Variants in CPNE4 observed in about 807,000 individuals in gnomAD.
CPNE4 encodes copine-4.
A neutral mutation model predicts 67.9 loss-of-function variants in CPNE4; 25 were observed. The ratio of observed to expected loss-of-function variants is 0.37; its 90% CI spans 0.27 to 0.51. The LOEUF (loss-of-function observed/expected upper bound fraction) is 0.51. Among genes scored for constraint, CPNE4 ranks in the 20% least tolerant of loss-of-function variants. CPNE4 has a pLI of 0.93. For missense variants in CPNE4, 464 were observed against 690.8 expected, an observed-to-expected ratio of 0.67 and a Z score of 3.68; for synonymous variants, 242 against 244.9, an observed-to-expected ratio of 0.99 and a Z score of 0.11.
chr3:131,973,650 T>C (rs1050239107), intron 1 of CPNE4, among the ~76,000 whole-genome samples: 16 of 150,664 alleles, frequency 1.1e-4, no homozygotes, highest in African/African-American at 3.4e-4. Flanking sequence ...GATACCAGTA[T>C]TAATGTTTTC....
chr3:131,615,362 T>A (rs923880571), intron 7 of CPNE4, among the ~76,000 whole-genome samples: 2 of 152,186 alleles, frequency 1.3e-5, no homozygotes, highest in Admixed American at 1.3e-4. Flanking sequence ...CAATAGATTA[T>A]CACAGAAAAT....
At chr3:131,726,644 G>A (rs533432553) in intron 2 of CPNE4, among the ~76,000 whole-genome samples, 56 of 146,644 alleles carry the variant, frequency 3.8e-4, no homozygotes, top group Non-Finnish European at 7.1e-4. Context: ...CTCATTGAGA[G>A]GCATCAGGGT....
chr3:131,802,469 T>C (rs868386835), intron 2 of CPNE4, among the ~76,000 whole-genome samples: 4 of 152,196 alleles, frequency 2.6e-5, no homozygotes, highest in Non-Finnish European at 5.9e-5. Flanking sequence ...AAGAAAAATG[T>C]TGACAAATTG....
chr3:132,016,863 A>G (rs760914988), intron 1 of CPNE4, among the ~76,000 whole-genome samples: 6 of 152,248 alleles, frequency 3.9e-5, no homozygotes, highest in African/African-American at 9.6e-5. Flanking sequence ...TCATGTAACT[A>G]TAACACTATT....
At chr3:131,962,981 G>C (rs1045579610) in intron 1 of CPNE4, among the ~76,000 whole-genome samples, 9 of 152,204 alleles carry the variant, frequency 5.9e-5, no homozygotes, top group African/African-American at 2.2e-4. Flanking sequence ...AATAGGAACA[G>C]TTCCGGTCTG....
intron 5 of CPNE4, 46 bp downstream of exon 5, chr3:131,696,496 C>A: frequency 6.5e-7 from 1 of 1,541,168 alleles, no homozygotes; most frequent in Non-Finnish European, 9.0e-7. Context: ...AAACTGTGTG[C>A]TAGCTTTGTT....
intron 2 of CPNE4, among the ~76,000 whole-genome samples, chr3:131,900,345 A>G (rs1044403975): frequency 6.6e-6 from 1 of 152,100 alleles, no homozygotes; most frequent in Non-Finnish European, 1.5e-5. Context: ...GCAATAACAA[A>G]TGGTGGTGAG....
At position 131,827,755 on chromosome 3, in the gene CPNE4, A is replaced by G. The variant is rs963885636; in HGVS notation, c.180+77509T>C. Among the ~76,000 whole-genome samples, 3 of 152,052 alleles carry G rather than the reference A, an allele frequency of 2.0e-5. 1 individual carries two copies. Among genetic ancestry groups the G allele is most frequent in the African/African-American group, 7.3e-5 (3 of 41,312 alleles). On this transcript the variant is annotated intron_variant, in intron 2 of 15. Coordinates refer to ENST00000429747, the MANE Select transcript of CPNE4 (RefSeq NM_130808.3). The stretch of plus-strand genomic sequence containing the variant: ...TAAGTTGAATTTGTAATAGAAACAA[A>G]TGAAAAACTAATAAGAAAAAAATGA...
intron 1 of CPNE4, among the ~76,000 whole-genome samples, chr3:131,947,889 C>T (rs2107876661): frequency 6.6e-6 from 1 of 152,244 alleles, no homozygotes; most frequent in East Asian, 1.9e-4. Context: ...CATATCCTCA[C>T]CAGCATGATC....
intron 2 of CPNE4, among the ~76,000 whole-genome samples, chr3:131,875,946 T>C (rs2087427093): frequency 6.6e-6 from 1 of 152,226 alleles, no homozygotes; most frequent in Non-Finnish European, 1.5e-5. Flanking sequence ...AAACAGTTTC[T>C]TAGGTTTTTG....
At chr3:131,920,647 G>A (rs1274670455) in intron 1 of CPNE4, among the ~76,000 whole-genome samples, 1 of 151,920 alleles carries the variant, frequency 6.6e-6, no homozygotes, top group Non-Finnish European at 1.5e-5. Flanking sequence ...AAAATCAGTG[G>A]CTTCAGATGC....
At chr3:131,623,257 T>A (rs1029002890) in intron 7 of CPNE4, among the ~76,000 whole-genome samples, 2 of 152,186 alleles carry the variant, frequency 1.3e-5, no homozygotes, top group African/African-American at 2.4e-5. Context: ...ACTTTTATTT[T>A]TATGCAACAA....
At chr3:131,574,595 G>T (rs1434708672) in intron 10 of CPNE4, among the ~76,000 whole-genome samples, 2 of 152,008 alleles carry the variant, frequency 1.3e-5, no homozygotes, top group Non-Finnish European at 2.9e-5. Context: ...TCTTTTCATT[G>T]CCTAATGAAC....
chr3:131,535,103 T>C lies in CPNE4; in HGVS notation c.*92A>G. 7.6e-7 allele frequency: 1 copy of C among 1,321,334 alleles called. No homozygotes were observed. Among genetic ancestry groups the C allele is most frequent in the Non-Finnish European group, 1.0e-6 (1 of 974,654 alleles). The allele number at this position is 1,321,334 out of a possible 1,614,324, so 81.9% of individuals were successfully genotyped here. On this transcript the variant is annotated 3_prime_UTR_variant, in exon 16 of 16. Transcript: ENST00000429747. Reference sequence around the variant, plus strand: ...CTATTTTTAAATGTGTATATGTTGTTGGTTTTTTAAAGTACAGGAGTAGTA... The same window carrying C: ...CTATTTTTAAATGTGTATATGTTGTCGGTTTTTTAAAGTACAGGAGTAGTA...
intron 2 of CPNE4, among the ~76,000 whole-genome samples, chr3:131,770,300 C>A (rs1216984864): frequency 1.3e-5 from 2 of 152,334 alleles, no homozygotes; most frequent in East Asian, 1.9e-4. Flanking sequence ...TCTGAGAAGA[C>A]AACCAACAAT....
chr3:131,641,474 A>ATGG (rs2079539144), intron 7 of CPNE4, among the ~76,000 whole-genome samples: 3 of 152,186 alleles, frequency 2.0e-5, no homozygotes. Context: ...ATACCGCCTC[A>ATGG]CATCTGCAAA....
At chr3:131,714,485 T>A (rs1003542958) in intron 3 of CPNE4, among the ~76,000 whole-genome samples, 2 of 152,216 alleles carry the variant, frequency 1.3e-5, no homozygotes, top group African/African-American at 4.8e-5. Flanking sequence ...GCAACTTTTT[T>A]CTGTTCACCA....
chr3:131,921,465 C>T (rs1188091815), intron 1 of CPNE4, among the ~76,000 whole-genome samples: 1 of 152,160 alleles, frequency 6.6e-6, no homozygotes, highest in African/African-American at 2.4e-5. Flanking sequence ...AATAACAAAA[C>T]GTGGTCACTG....
At chr3:131,946,809 T>C (rs2071564545) in intron 1 of CPNE4, among the ~76,000 whole-genome samples, 1 of 152,228 alleles carries the variant, frequency 6.6e-6, no homozygotes, top group Non-Finnish European at 1.5e-5. Flanking sequence ...CCGTTATAAA[T>C]AATTACTTTT....
Sources: gnomAD v4.1 joint callset for allele counts (sites outside exome capture counted in the v4.1 genomes callset) on GRCh38, gnomAD v4.1.1 for gene constraint, MANE v1.5 for transcripts, NCBI Gene and HGNC (gene_info 2026-07-23, HGNC 2026-07-21) for gene names.